Variants in PCDH11X observed in about 807,000 individuals in gnomAD.
PCDH11X encodes protocadherin-11 X-linked.
PCDH11X carries 18 observed loss-of-function variants against 53.3 expected under a neutral mutation model. That is an observed-to-expected ratio of 0.34 (90% CI 0.23 to 0.50). The LOEUF (loss-of-function observed/expected upper bound fraction) is 0.50. Ranked by LOEUF, PCDH11X falls within the 20% of genes least tolerant of loss-of-function variation. The pLI is 0.98. For synonymous variants in PCDH11X, 279 were observed against 393.3 expected (o/e 0.71, Z 3.44); for missense variants, 570 against 1,032.4 (o/e 0.55, Z 6.14).
intron 6 of PCDH11X, among the ~76,000 whole-genome samples, chrX:92,185,639 A>C (rs1441891777): frequency 5.4e-5 from 6 of 111,731 alleles, no homozygotes; most frequent in East Asian, 2.8e-4. Flanking sequence ...CAGAATATAC[A>C]AGGAACTCAA....
intron 8 of PCDH11X, among the ~76,000 whole-genome samples, chrX:92,338,313 A>G (rs893972027): frequency 1.8e-5 from 2 of 111,829 alleles, no homozygotes; most frequent in African/African-American, 6.5e-5. Flanking sequence ...TACACTCTGT[A>G]TTGATTAGCT....
chrX:91,973,105 G>T (rs1237296099), intron 6 of PCDH11X, among the ~76,000 whole-genome samples: 1 of 109,255 alleles, frequency 9.2e-6, no homozygotes, highest in African/African-American at 3.3e-5. Flanking sequence ...ATACTATGCA[G>T]CCATAAAAAA....
At chrX:92,581,168 G>A (rs12009352) in intron 10 of PCDH11X, among the ~76,000 whole-genome samples, 48,339 of 110,483 alleles carry the variant, frequency 0.44, 8,431 homozygotes, top group African/African-American at 0.64. Context: ...AAACAATACC[G>A]TCAACCACAT....
intron 8 of PCDH11X, among the ~76,000 whole-genome samples, chrX:92,323,131 G>C (rs1603271765): frequency 9.1e-6 from 1 of 110,430 alleles, no homozygotes; most frequent in South Asian, 3.9e-4. Flanking sequence ...TTTAATGGGA[G>C]AAAGCCTATT....
intron 5 of PCDH11X, among the ~76,000 whole-genome samples, chrX:91,859,457 T>A (rs1277476468): frequency 9.1e-6 from 1 of 109,620 alleles, no homozygotes; most frequent in Non-Finnish European, 1.9e-5. Flanking sequence ...GCAGAAGCTC[T>A]TTAATTAGAT....
chrX:92,097,183 T>C lies in PCDH11X; in HGVS notation c.3034-104192T>C, dbSNP rs1305400284. On this transcript the variant is annotated intron_variant, in intron 6 of 10. Transcript: ENST00000682573. ...CTGTAATCCCAGTACTTTGTGAGGC[T>C]GAGGTGGGAGAATCACTTAGCCCAG... Among the ~76,000 whole-genome samples, 21 of 111,225 alleles carry C rather than the reference T, an allele frequency of 1.9e-4. No homozygotes were observed. The Admixed American group carries it at 2.0e-3, about 11-fold the overall frequency.
intron 1 of PCDH11X, among the ~76,000 whole-genome samples, chrX:91,789,200 CAAAAAAAAA>C (rs764959497): frequency 6.4e-5 from 3 of 47,221 alleles, no homozygotes; most frequent in Admixed American, 3.4e-4. Context: ...GACTCCGTCT[CAAAAAAAAA>C]AAAAAAAAAA....
intron 10 of PCDH11X, among the ~76,000 whole-genome samples, chrX:92,500,168 G>C (rs1296258355): frequency 9.0e-6 from 1 of 111,119 alleles, no homozygotes; most frequent in Non-Finnish European, 1.9e-5. Context: ...ATGTTTTAAA[G>C]TTATTGCATT....
At chrX:92,191,287 C>T (rs766131975) in intron 6 of PCDH11X, among the ~76,000 whole-genome samples, 21 of 112,122 alleles carry the variant, frequency 1.9e-4, no homozygotes, top group African/African-American at 5.8e-4. Context: ...TGACTTGTTG[C>T]TTTTCCTAAT....
chrX:92,299,883 CT>C (rs1465802001), intron 8 of PCDH11X, among the ~76,000 whole-genome samples: 5 of 107,181 alleles, frequency 4.7e-5, no homozygotes, highest in Middle Eastern at 4.7e-3. Context: ...TCTAGCTCCT[CT>C]AGTTGTGATG....
intron 10 of PCDH11X, among the ~76,000 whole-genome samples, chrX:92,554,573 A>C (rs1602321063): frequency 2.1e-5 from 1 of 47,566 alleles, no homozygotes; most frequent in Non-Finnish European, 5.6e-5. Context: ...CCATTTTTAT[A>C]AACTATTCTT....
At chrX:92,142,616 A>G (rs1437968562) in intron 6 of PCDH11X, among the ~76,000 whole-genome samples, 3 of 110,827 alleles carry the variant, frequency 2.7e-5, no homozygotes, top group Non-Finnish European at 5.7e-5. Flanking sequence ...GGTAAGCTAA[A>G]TATTTAATTG....
intron 8 of PCDH11X, among the ~76,000 whole-genome samples, chrX:92,269,110 T>C (rs73532116): frequency 0.07 from 7,840 of 111,737 alleles, 479 homozygotes; most frequent in East Asian, 0.27. Flanking sequence ...TATATTATCC[T>C]GTCTGGTTAA....
chrX:92,356,816 G>T (rs1224861439), intron 8 of PCDH11X, among the ~76,000 whole-genome samples: 1 of 104,936 alleles, frequency 9.5e-6, no homozygotes, highest in Non-Finnish European at 2.0e-5. Context: ...AGTTCCCATA[G>T]TTATTTACTT....
At chrX:92,054,023 A>G (rs1454468356) in intron 6 of PCDH11X, among the ~76,000 whole-genome samples, 1 of 112,090 alleles carries the variant, frequency 8.9e-6, no homozygotes. Flanking sequence ...CCAAGATCAC[A>G]GAACTCATGC....
chrX:92,332,886 T>A (rs1192227759), intron 8 of PCDH11X, among the ~76,000 whole-genome samples: 1 of 111,899 alleles, frequency 8.9e-6, no homozygotes, highest in East Asian at 2.8e-4. Context: ...TCCTGATGCA[T>A]ATTAAAGTTT....
intron 8 of PCDH11X, among the ~76,000 whole-genome samples, chrX:92,379,132 G>A (rs939925527): frequency 3.6e-5 from 4 of 112,591 alleles, no homozygotes; most frequent in Non-Finnish European, 7.5e-5. Flanking sequence ...AATTGGAGGG[G>A]TGAGGGCCTC....
At chrX:92,090,488 A>G (rs758927717) in intron 6 of PCDH11X, among the ~76,000 whole-genome samples, 1 of 111,810 alleles carries the variant, frequency 8.9e-6, no homozygotes, top group Admixed American at 9.6e-5. Flanking sequence ...CGATTCATCA[A>G]TACTCCAACT....
intron 10 of PCDH11X, among the ~76,000 whole-genome samples, chrX:92,528,466 A>G (rs2074498387): frequency 9.1e-6 from 1 of 110,131 alleles, no homozygotes; most frequent in African/African-American, 3.3e-5. Flanking sequence ...CTAATTTTGT[A>G]TTTTTTAGTA....
Sources: allele counts gnomAD v4.1 joint callset (sites outside exome capture counted in the v4.1 genomes callset), GRCh38; gene constraint gnomAD v4.1.1; transcripts MANE v1.5; gene names NCBI Gene and HGNC (gene_info 2026-07-23, HGNC 2026-07-21).